AGMO: variants seen among roughly 807,000 people sequenced by gnomAD.
The protein encoded by AGMO is alkylglycerol monooxygenase.
A neutral mutation model predicts 60.2 loss-of-function variants in AGMO; 75 were observed. The ratio of observed to expected loss-of-function variants is 1.25; its 90% CI spans 1.03 to 1.51. The LOEUF is 1.51. Ranked by LOEUF, AGMO falls within the 40% of genes most tolerant of loss-of-function variation. The probability of loss-of-function intolerance (pLI) is 0.00; values close to 1 mark genes in which losing one functional copy is unlikely to be tolerated. For synonymous variants in AGMO, 261 were observed against 177.1 expected (o/e 1.47, Z -3.76); for missense variants, 763 against 525.5 (o/e 1.45, Z -4.42).
At chr7:15,433,733 C>T (rs1010658724) in intron 3 of AGMO, among the ~76,000 whole-genome samples, 1 of 150,778 alleles carries the variant, frequency 6.6e-6, no homozygotes, top group Non-Finnish European at 1.5e-5. Flanking sequence ...TGTTCAATAA[C>T]ATTTTTCTTT....
rs544187200 is a variant in AGMO at position 15,547,722 on chromosome 7, G to C, written c.258-2799C>G. ...GCAGTCTGAGATCAAACTGCAAGGC[G>C]GCAGCGAGGCTGGGGGAGGGGCGCC... is the stretch of plus-strand genomic sequence containing the variant. On this transcript the variant is annotated intron_variant, in intron 2 of 12. Coordinates refer to ENST00000342526, the MANE Select transcript of AGMO (RefSeq NM_001004320.2). Among the ~76,000 whole-genome samples, 1,395 of 151,182 alleles carry C rather than the reference G, an allele frequency of 9.2e-3. 15 individuals are homozygous for C. The highest frequency in any genetic ancestry group is 0.032 in the African/African-American group (1,315 of 40,620).
the AGMO span, among the ~76,000 whole-genome samples, chr7:15,175,221 A>G: frequency 6.6e-6 from 1 of 152,096 alleles, no homozygotes; most frequent in Admixed American, 6.6e-5. Flanking sequence ...GAAAGCAAAC[A>G]TATCAATATA....
At chr7:15,508,864 A>C (rs1316823796) in intron 3 of AGMO, among the ~76,000 whole-genome samples, 2 of 152,238 alleles carry the variant, frequency 1.3e-5, no homozygotes, top group Non-Finnish European at 1.5e-5. Flanking sequence ...ACCATAATAC[A>C]TTCCATTCAG....
At chr7:15,126,883 A>G in the AGMO span, among the ~76,000 whole-genome samples, 2 of 152,026 alleles carry the variant, frequency 1.3e-5, no homozygotes, top group Admixed American at 6.6e-5. Flanking sequence ...ACATTTTACA[A>G]CCTGCTGTCT....
intron 8 of AGMO, among the ~76,000 whole-genome samples, chr7:15,389,449 G>A (rs1784051974): frequency 6.6e-6 from 1 of 152,084 alleles, no homozygotes. Flanking sequence ...ATTCTCCTGA[G>A]GTGTATCATA....
At chr7:15,496,056 T>C (rs1379625724) in intron 3 of AGMO, among the ~76,000 whole-genome samples, 2 of 152,094 alleles carry the variant, frequency 1.3e-5, no homozygotes, top group African/African-American at 4.8e-5. Context: ...CCATAACATC[T>C]ACAAAACACT....
intron 12 of AGMO, among the ~76,000 whole-genome samples, chr7:15,354,318 GTATATACGTACGCGTGTA>G (rs1563104764): frequency 4.4e-5 from 3 of 68,602 alleles, no homozygotes; most frequent in Admixed American, 4.0e-4. Context: ...ATACACGCGT[GTATATACGTACGCGTGTA>G]TATACACGCG....
intron 3 of AGMO, among the ~76,000 whole-genome samples, chr7:15,471,096 T>C (rs1782441039): frequency 6.6e-6 from 1 of 151,946 alleles, no homozygotes; most frequent in Admixed American, 6.6e-5. Context: ...AAGTGGTTTA[T>C]TTATACCTTT....
At chr7:15,531,118 T>TAC (rs1784320738) in intron 3 of AGMO, among the ~76,000 whole-genome samples, 1 of 6,290 alleles carries the variant, frequency 1.6e-4, no homozygotes, top group Admixed American at 2.9e-3. Context: ...ATATATATTC[T>TAC]ATATATATTC....
intron 12 of AGMO, among the ~76,000 whole-genome samples, chr7:15,216,253 T>A (rs1781733178): frequency 6.6e-6 from 1 of 151,988 alleles, no homozygotes; most frequent in African/African-American, 2.4e-5. Flanking sequence ...TCAGAAAGAG[T>A]ATTAATGGCT....
intron 12 of AGMO, among the ~76,000 whole-genome samples, chr7:15,348,121 T>C (rs1269930726): frequency 3.3e-5 from 5 of 152,116 alleles, no homozygotes; most frequent in Admixed American, 6.6e-5. Context: ...GTATCAGAGA[T>C]GGAAAGAACA....
At chr7:15,402,243 G>A (rs1471321166) in intron 5 of AGMO, among the ~76,000 whole-genome samples, 1 of 151,716 alleles carries the variant, frequency 6.6e-6, no homozygotes, top group Non-Finnish European at 1.5e-5. Flanking sequence ...GCTTTTTCCT[G>A]GCCACTTTTC....
intron 12 of AGMO, among the ~76,000 whole-genome samples, chr7:15,278,852 G>A (rs1375259019): frequency 6.6e-6 from 1 of 152,118 alleles, no homozygotes; most frequent in Admixed American, 6.5e-5. Context: ...TGCAGCTATA[G>A]TACTCACATG....
chr7:15,495,687 G>A (rs562493039), intron 3 of AGMO, among the ~76,000 whole-genome samples: 1 of 152,212 alleles, frequency 6.6e-6, no homozygotes, highest in South Asian at 2.1e-4. Context: ...CACAGTTCTG[G>A]TGGCCGAGAA....
At chr7:15,310,082 C>T (rs1353728905) in intron 12 of AGMO, among the ~76,000 whole-genome samples, 1 of 152,104 alleles carries the variant, frequency 6.6e-6, no homozygotes, top group Non-Finnish European at 1.5e-5. Context: ...ATGCTTAGTG[C>T]CTGTTCTTTC....
intron 10 of AGMO, among the ~76,000 whole-genome samples, chr7:15,376,451 C>A (rs1053399300): frequency 6.6e-6 from 1 of 151,814 alleles, no homozygotes. Context: ...AATTGTAGTG[C>A]CCATAATGTT....
chr7:15,546,274 T>A (rs923637654), intron 2 of AGMO, among the ~76,000 whole-genome samples: 1 of 152,154 alleles, frequency 6.6e-6, no homozygotes, highest in South Asian at 2.1e-4. Flanking sequence ...AAATGCCAAA[T>A]GCTCACAATT....
At chr7:15,195,399 G>A (rs1040693266), downstream of AGMO, among the ~76,000 whole-genome samples, 3 of 152,190 alleles carry the variant, frequency 2.0e-5, no homozygotes, top group Non-Finnish European at 4.4e-5. Flanking sequence ...TGTACAGATT[G>A]GCTTGAGGAG....
downstream of AGMO, among the ~76,000 whole-genome samples, chr7:15,199,529 C>T (rs1781219387): frequency 6.6e-6 from 1 of 152,134 alleles, no homozygotes; most frequent in Admixed American, 6.6e-5. Context: ...TACTAAACAA[C>T]TATGTAAAGA....
Sources: allele counts gnomAD v4.1 joint callset (sites outside exome capture counted in the v4.1 genomes callset), GRCh38; gene constraint gnomAD v4.1.1; transcripts MANE v1.5; gene names NCBI Gene and HGNC (gene_info 2026-07-23, HGNC 2026-07-21).